The following CMTM8 variants were observed in gnomAD, a reference collection of about 807,000 sequenced individuals.
The protein encoded by CMTM8 is CKLF like MARVEL transmembrane domain containing 8.
Under a neutral mutation model 18.6 loss-of-function variants are expected in CMTM8, and 12 were observed. The observed-to-expected ratio is 0.65, with a 90% CI of 0.41 to 1.05. The LOEUF is 1.05. Among genes scored for constraint, CMTM8 ranks in the 50% least tolerant of loss-of-function variants. CMTM8 has a pLI of 0.00. For synonymous variants in CMTM8, 87 were observed against 90.6 expected (o/e 0.96, Z 0.23); for missense variants, 217 against 227.2 (o/e 0.95, Z 0.29).
At chr3:32,351,019 A>G (rs1225999428) in intron 1 of CMTM8, among the ~76,000 whole-genome samples, 2 of 152,224 alleles carry the variant, frequency 1.3e-5, no homozygotes, top group African/African-American at 4.8e-5. Context: ...CATCCTCTTG[A>G]AAATTTTAGA....
intron 1 of CMTM8, among the ~76,000 whole-genome samples, chr3:32,277,309 G>A (rs1445074501): frequency 6.6e-6 from 1 of 152,176 alleles, no homozygotes; most frequent in Non-Finnish European, 1.5e-5. Flanking sequence ...GGCAAGTAAG[G>A]CCCCACGGTG....
chr3:32,279,048 C>G (rs1227589643), intron 1 of CMTM8, among the ~76,000 whole-genome samples: 1 of 152,130 alleles, frequency 6.6e-6, no homozygotes, highest in Non-Finnish European at 1.5e-5. Context: ...GACTCAGTCT[C>G]TCTTCTCAGT....
intron 1 of CMTM8, among the ~76,000 whole-genome samples, chr3:32,321,514 G>A (rs1002794943): frequency 1.3e-5 from 2 of 152,148 alleles, no homozygotes; most frequent in African/African-American, 4.8e-5. Flanking sequence ...CATTTGTTGT[G>A]AAGGGAAATT....
At chr3:32,318,564 A>ATTTTTTTTTT in intron 1 of CMTM8, among the ~76,000 whole-genome samples, 1 of 125,294 alleles carries the variant, frequency 8.0e-6, no homozygotes, top group Non-Finnish European at 1.7e-5. Context: ...GTCATTATTA[A>ATTTTTTTTTT]TTTTTTTTTT....
intron 1 of CMTM8, among the ~76,000 whole-genome samples, chr3:32,341,628 G>A (rs1234167195): frequency 1.3e-5 from 2 of 152,176 alleles, no homozygotes; most frequent in Admixed American, 6.5e-5. Flanking sequence ...TGTAATCCCA[G>A]CACTTTGGGA....
chr3:32,243,287 T>G (rs893289625), intron 1 of CMTM8, among the ~76,000 whole-genome samples: 2 of 151,604 alleles, frequency 1.3e-5, no homozygotes, highest in African/African-American at 4.8e-5. Context: ...TCCCAGCACT[T>G]TGGGAGGCTG....
intron 1 of CMTM8, among the ~76,000 whole-genome samples, chr3:32,252,070 G>A (rs1702117500): frequency 2.0e-5 from 3 of 152,050 alleles, no homozygotes; most frequent in Admixed American, 1.3e-4. Flanking sequence ...TCCAGCCTGG[G>A]CAACAGAGCC....
At chr3:32,268,030 A>G (rs1005428160) in intron 1 of CMTM8, among the ~76,000 whole-genome samples, 37 of 152,204 alleles carry the variant, frequency 2.4e-4, no homozygotes, top group African/African-American at 8.2e-4. Flanking sequence ...GCAGAAGTCA[A>G]TGTGGCGATT....
chr3:32,282,953 T>C (rs1038116252), intron 1 of CMTM8, among the ~76,000 whole-genome samples: 3 of 152,172 alleles, frequency 2.0e-5, no homozygotes, highest in African/African-American at 7.2e-5. Context: ...TTAACCCTTA[T>C]CTCCTTAGCC....
chr3:32,242,688 G>A (rs571752434), intron 1 of CMTM8, among the ~76,000 whole-genome samples: 1 of 152,152 alleles, frequency 6.6e-6, no homozygotes, highest in East Asian at 1.9e-4. Context: ...GAAATGTGTT[G>A]AACCTTCTTT....
At chr3:32,288,784 G>A (rs768583475) in intron 1 of CMTM8, among the ~76,000 whole-genome samples, 6 of 152,356 alleles carry the variant, frequency 3.9e-5, no homozygotes, top group Middle Eastern at 3.4e-3. Context: ...ACAGGCGTGA[G>A]CCACTATATC....
At chr3:32,242,281 G>T (rs1701953595) in intron 1 of CMTM8, among the ~76,000 whole-genome samples, 1 of 152,186 alleles carries the variant, frequency 6.6e-6, no homozygotes, top group Non-Finnish European at 1.5e-5. Flanking sequence ...TTTTTCTTCA[G>T]AATTTAAAAT....
chr3:32,364,766 G>A (rs937570474), intron 2 of CMTM8, among the ~76,000 whole-genome samples: 4 of 152,166 alleles, frequency 2.6e-5, no homozygotes, highest in African/African-American at 9.7e-5. Context: ...TTAGCTGTCT[G>A]AATAGATGTA....
intron 1 of CMTM8, among the ~76,000 whole-genome samples, chr3:32,305,669 T>A (rs2125565789): frequency 6.6e-6 from 1 of 152,308 alleles, no homozygotes; most frequent in South Asian, 2.1e-4. Flanking sequence ...ACTTACCAGA[T>A]GAGTAGGCAT....
intron 1 of CMTM8, chr3:32,258,900 TCTGTCCC>T: frequency 1.9e-5 from 5 of 267,906 alleles, no homozygotes; most frequent in South Asian, 4.8e-5. Context: ...AAGCCTGAGT[TCTGTCCC>T]CTCGCTTCCC....
Position 32,238,913 on chromosome 3 carries a change from C to A in CMTM8, c.-60C>A. 2 of 1,472,934 alleles carry A rather than the reference C, an allele frequency of 1.4e-6. No homozygotes were observed. Among genetic ancestry groups the A allele is most frequent in the East Asian group, 5.5e-5 (2 of 36,054 alleles). The allele number at this position is 1,472,934 out of a possible 1,614,324, so 91.2% of individuals were successfully genotyped here. A position where few individuals can be genotyped will look rare whatever the true frequency, so the allele number is the denominator to read the frequency against. ...TGTGTCCCCAGGGCGCAGGGCCGCG[C>A]GTCCAGCCCCAGACCCGCCGGGGTC... On this transcript the variant is annotated 5_prime_UTR_variant, in exon 1 of 4. Transcript: ENST00000307526.
chr3:32,365,612 T>G (rs1408182460), intron 2 of CMTM8, among the ~76,000 whole-genome samples: 1 of 152,076 alleles, frequency 6.6e-6, no homozygotes, highest in Middle Eastern at 3.2e-3. Context: ...ATTTGCCTAA[T>G]TTTTGTATTT....
At chr3:32,289,500 A>G (rs1397297093) in intron 1 of CMTM8, among the ~76,000 whole-genome samples, 1 of 152,236 alleles carries the variant, frequency 6.6e-6, no homozygotes, top group Non-Finnish European at 1.5e-5. Flanking sequence ...GATGGATAGT[A>G]GAAAAGAAGG....
At position 32,350,424 on chromosome 3, in the gene CMTM8, C is replaced by A. The variant is rs528532636; in HGVS notation, c.148-6949C>A. 7.4e-5 allele frequency among the ~76,000 whole-genome samples: 11 copies of A among 148,896 alleles called. No homozygotes were observed. In the East Asian group the frequency reaches 2.2e-3, roughly 29 times the overall value. On this transcript the variant is annotated intron_variant, in intron 1 of 3. Transcript: ENST00000307526. Reference sequence around the variant, plus strand: ...CCAGGCTGGAGTGCAACGGCATGATCTCAGCTCACTGCAACCTCCGCCTGC... The same window carrying A: ...CCAGGCTGGAGTGCAACGGCATGATATCAGCTCACTGCAACCTCCGCCTGC...
Sources: gnomAD v4.1 joint callset for allele counts (sites outside exome capture counted in the v4.1 genomes callset) on GRCh38, gnomAD v4.1.1 for gene constraint, MANE v1.5 for transcripts, NCBI Gene and HGNC (gene_info 2026-07-23, HGNC 2026-07-21) for gene names.